The following NT5C1A variants were observed in gnomAD, a reference collection of about 807,000 sequenced individuals.
NT5C1A encodes 5'-nucleotidase, cytosolic IA.
A neutral mutation model predicts 31.0 loss-of-function variants in NT5C1A; 18 were observed. The ratio of observed to expected loss-of-function variants is 0.58; its 90% CI spans 0.40 to 0.86. The LOEUF (loss-of-function observed/expected upper bound fraction) is 0.86. Among genes scored for constraint, NT5C1A ranks in the 40% least tolerant of loss-of-function variants. The pLI, the probability that NT5C1A is intolerant of heterozygous loss-of-function variation, is 0.00. For synonymous variants in NT5C1A, 185 were observed against 203.6 expected, an observed-to-expected ratio of 0.91 and a Z score of 0.78; for missense variants, 470 against 505.4, an observed-to-expected ratio of 0.93 and a Z score of 0.67.
In NT5C1A at chr1:39,655,182, C is replaced by G. The variant is rs190064426; in HGVS notation, c.*3939G>C. 6.6e-6 allele frequency among the ~76,000 whole-genome samples: 1 copy of G among 152,168 alleles called. No homozygotes were observed. The highest frequency in any genetic ancestry group is 6.5e-5 in the Admixed American group (1 of 15,278). On this transcript the variant is annotated 3_prime_UTR_variant, in exon 6 of 6. Transcript: ENST00000235628. ...GTCTCGATCTCCTGACCTTGTGATC[C>G]ACCCGCCTTGGCCTCCCAAAGTGCT...
chr1:39,671,149 G>A (rs1046416114), intron 1 of NT5C1A, among the ~76,000 whole-genome samples: 2 of 152,214 alleles, frequency 1.3e-5, no homozygotes, highest in Admixed American at 6.5e-5. Flanking sequence ...CTGGGAAGTT[G>A]GAGACAGCAA....
intron 4 of NT5C1A, among the ~76,000 whole-genome samples, chr1:39,662,326 T>A (rs1186517763): frequency 6.6e-6 from 1 of 152,124 alleles, no homozygotes; most frequent in South Asian, 2.1e-4. Context: ...AGCACTGGAA[T>A]CAAGATGACC....
intron 1 of NT5C1A, among the ~76,000 whole-genome samples, 175 bp from the exon 2 acceptor site, chr1:39,666,411 A>G (rs560194416): frequency 2.6e-5 from 4 of 152,318 alleles, no homozygotes; most frequent in Admixed American, 2.6e-4. Flanking sequence ...TCTATGACGG[A>G]CCCAGATGGG....
At chr1:39,664,451 T>C (rs1282989409) in intron 3 of NT5C1A, among the ~76,000 whole-genome samples, 1 of 124,906 alleles carries the variant, frequency 8.0e-6, no homozygotes, top group Non-Finnish European at 1.7e-5. Flanking sequence ...TGGCCAGGTG[T>C]ATTATTTTTC....
intron 5 of NT5C1A, among the ~76,000 whole-genome samples, chr1:39,660,193 T>C (rs565628222): frequency 5.5e-4 from 84 of 152,214 alleles, no homozygotes; most frequent in African/African-American, 2.0e-3. Context: ...GTAGGAAAAC[T>C]CTCCTGCCCT....
At chr1:39,664,562 G>C (rs551083382) in intron 3 of NT5C1A, among the ~76,000 whole-genome samples, 1 of 81,746 alleles carries the variant, frequency 1.2e-5, no homozygotes, top group African/African-American at 5.1e-5. Context: ...GGGTGATCTC[G>C]GCTCATTGCA....
Position 39,659,032 on chromosome 1 carries a change from A to G in NT5C1A, c.*89T>C. On this transcript the variant is annotated 3_prime_UTR_variant, in exon 6 of 6. Coordinates refer to ENST00000235628, the MANE Select transcript of NT5C1A (RefSeq NM_032526.3). Reference sequence around the variant, plus strand: ...GGGCAGACAGGCAGAAGGACAGAACAGTGAGAAACTAGAGGGATCTACCAG... The same window carrying G: ...GGGCAGACAGGCAGAAGGACAGAACGGTGAGAAACTAGAGGGATCTACCAG... 6.8e-7 allele frequency: 1 copy of G among 1,470,978 alleles called. No homozygotes were observed. Among genetic ancestry groups the G allele is most frequent in the Non-Finnish European group, 9.1e-7 (1 of 1,101,640 alleles). 91.1% of individuals were successfully genotyped at this position (1,470,978 alleles called of 1,614,324 possible).
chr1:39,661,315 A>T, intron 4 of NT5C1A, 52 bp from the exon 5 acceptor site: 1 of 999,644 alleles, frequency 1.0e-6, no homozygotes, highest in African/African-American at 1.6e-5. Context: ...CAGTAGGGCT[A>T]GAGTGGGCTA....
chr1:39,665,653 G>A lies in NT5C1A; in HGVS notation c.304-3C>T. On this transcript the variant is annotated splice_region_variant and splice_polypyrimidine_tract_variant and intron_variant, in intron 2 of 5. Coordinates refer to ENST00000235628, the MANE Select transcript of NT5C1A (RefSeq NM_032526.3). ...CGCCTGTTCACGGCCTCCAGAGCCT[G>A]GAAAGGAGAGGGCACCCCCCAGCTT... 2 of 1,612,698 alleles carry A rather than the reference G, an allele frequency of 1.2e-6. No individual in the cohort carries two copies. Among genetic ancestry groups the A allele is most frequent in the South Asian group, 2.2e-5 (2 of 91,030 alleles).
chr1:39,658,306 T>C lies in NT5C1A; in HGVS notation c.*815A>G, dbSNP rs60167528. ...CCTGATGACCATTCAGGTTAGAGAA[T>C]CACATGAGCAGATAGGTCATCTTGT... On this transcript the variant is annotated 3_prime_UTR_variant, in exon 6 of 6. Transcript: ENST00000235628. 0.021 allele frequency among the ~76,000 whole-genome samples: 3,153 copies of C among 152,266 alleles called. 109 individuals are homozygous for C. Among genetic ancestry groups the C allele is most frequent in the African/African-American group, 0.07 (2,895 of 41,532 alleles).
In NT5C1A at chr1:39,672,055, G is replaced by T; in HGVS notation, c.-17C>A. ...AGGTTCCATGCTCCGGCTCTGACCCGGCCCGGCCAGAGCAGGCGGCGGCGT... is the reference window on the plus strand; with the variant it reads ...AGGTTCCATGCTCCGGCTCTGACCCTGCCCGGCCAGAGCAGGCGGCGGCGT... On this transcript the variant is annotated 5_prime_UTR_variant, in exon 1 of 6. Transcript: ENST00000235628. 1 of 1,572,010 alleles carries T rather than the reference G, an allele frequency of 6.4e-7. No individual in the cohort carries two copies. Among genetic ancestry groups the T allele is most frequent in the Admixed American group, 1.8e-5 (1 of 56,380 alleles).
chr1:39,660,179 C>T (rs796598852), intron 5 of NT5C1A, among the ~76,000 whole-genome samples: 5 of 152,304 alleles, frequency 3.3e-5, no homozygotes, highest in Non-Finnish European at 5.9e-5. Flanking sequence ...CTGCTTACCA[C>T]TTAGTAGGAA....
rs780059534 is a variant in NT5C1A, at chr1:39,666,274, A to G, written c.136-38T>C. The G allele has an allele frequency of 1.2e-5, 20 of 1,603,226 alleles. No homozygotes were observed. In the East Asian group the frequency reaches 2.5e-4, roughly 20 times the overall value. Reference sequence around the variant, plus strand: ...GGGAGAAGGGGTTGTCACTCAGATGACTGCCCCTGAGGCAGGCTCACATGT... The same window carrying G: ...GGGAGAAGGGGTTGTCACTCAGATGGCTGCCCCTGAGGCAGGCTCACATGT... On this transcript the variant is annotated intron_variant, in intron 1 of 5. Coordinates refer to ENST00000235628, the MANE Select transcript of NT5C1A (RefSeq NM_032526.3).
At chr1:39,660,652 T>TCACAGGGTCTCA (rs1553485155) in intron 5 of NT5C1A, among the ~76,000 whole-genome samples, 2 of 151,872 alleles carry the variant, frequency 1.3e-5, no homozygotes, top group Non-Finnish European at 2.9e-5. Flanking sequence ...GCGGGGGATC[T>TCACAGGGTCTCA]CAGGGAGGAA....
In NT5C1A at chr1:39,663,688, G is replaced by C. The variant is rs142148348; in HGVS notation, c.434-254C>G. Among the ~76,000 whole-genome samples the C allele has an allele frequency of 7.8e-3, 883 of 112,650 alleles. 10 individuals carry two copies. The highest frequency in any genetic ancestry group is 0.034 in the African/African-American group (850 of 25,246). 73.9% of individuals were successfully genotyped at this position (112,650 alleles called of 152,430 possible). ...CAAGGAATCACAGTGCTACATGCCT[G>C]TGTGACCCCGCCTCCTGGCCATAGC... On this transcript the variant is annotated intron_variant, in intron 3 of 5. Transcript: ENST00000235628.
chr1:39,659,031 C>G lies in NT5C1A; in HGVS notation c.*90G>C, dbSNP rs372869028. 4 of 1,470,242 alleles carry G rather than the reference C, an allele frequency of 2.7e-6. No individual in the cohort carries two copies. The highest frequency in any genetic ancestry group is 1.4e-5 in the African/African-American group (1 of 71,136). 91.1% of individuals were successfully genotyped at this position (1,470,242 alleles called of 1,614,324 possible). On this transcript the variant is annotated 3_prime_UTR_variant, in exon 6 of 6. Transcript: ENST00000235628. The stretch of plus-strand genomic sequence containing the variant: ...AGGGCAGACAGGCAGAAGGACAGAA[C>G]AGTGAGAAACTAGAGGGATCTACCA...
rs1459809477 is a variant in NT5C1A at position 39,661,263 on chromosome 1, CCTA to C, written c.557-3_557-1del. ...GCTGAAGATGGTGGCAGCTGCGATC[CCTA>C]GGCAGAGAGAGGCAAGCATTGTCTG... On this transcript the variant is annotated splice_acceptor_variant and splice_polypyrimidine_tract_variant and intron_variant, in intron 4 of 5. Coordinates refer to ENST00000235628, the MANE Select transcript of NT5C1A (RefSeq NM_032526.3). LOFTEE classifies it high-confidence loss of function. The C allele has an allele frequency of 1.3e-6, 2 of 1,554,878 alleles. No individual in the cohort carries two copies. Among genetic ancestry groups the C allele is most frequent in the Non-Finnish European group, 1.8e-6 (2 of 1,130,228 alleles).
rs1277280726 is a variant in NT5C1A, at chr1:39,651,891, C to T, written c.*7230G>A. 6.6e-6 allele frequency among the ~76,000 whole-genome samples: 1 copy of T among 151,608 alleles called. No homozygotes were observed. Among genetic ancestry groups the T allele is most frequent in the Non-Finnish European group, 1.5e-5 (1 of 67,892 alleles). On this transcript the variant is annotated 3_prime_UTR_variant, in exon 6 of 6. Coordinates refer to ENST00000235628, the MANE Select transcript of NT5C1A (RefSeq NM_032526.3). Reference sequence around the variant, plus strand: ...CTAAAAATACAAAAAATTAGCTGGGCATGGTGGCGGGCACCTGTAATCCCA... The same window carrying T: ...CTAAAAATACAAAAAATTAGCTGGGTATGGTGGCGGGCACCTGTAATCCCA...
chr1:39,664,773 G>A (rs962651257), intron 3 of NT5C1A, among the ~76,000 whole-genome samples: 7 of 151,368 alleles, frequency 4.6e-5, no homozygotes, highest in Admixed American at 3.9e-4. Flanking sequence ...ACAGGAGTGA[G>A]CCACCGCACC....
Sources: gnomAD v4.1 joint callset for allele counts (sites outside exome capture counted in the v4.1 genomes callset) on GRCh38, gnomAD v4.1.1 for gene constraint, MANE v1.5 for transcripts, NCBI Gene and HGNC (gene_info 2026-07-23, HGNC 2026-07-21) for gene names.